GAD2: variants seen among roughly 807,000 people sequenced by gnomAD.
GAD2 encodes the protein 65 kDa glutamic acid decarboxylase.
Under a neutral mutation model 80.1 loss-of-function variants are expected in GAD2, and 22 were observed. The ratio of observed to expected loss-of-function variants is 0.27; its 90% CI spans 0.20 to 0.39. GAD2 has a LOEUF of 0.39. Among genes scored for constraint, GAD2 ranks in the 10% least tolerant of loss-of-function variants. GAD2 has a pLI of 1.00. For synonymous variants in GAD2, 274 were observed against 256.9 expected (o/e 1.07, Z -0.64); for missense variants, 624 against 738.4 (o/e 0.85, Z 1.80).
chr10:26,262,272 T>G lies in GAD2; in HGVS notation c.921-6847T>G, dbSNP rs959404454. ...CCCACTTATTTCTTGGTTATTAGTT[T>G]TTTTTTTTTTCAATTTTTCTATATA... is the stretch of plus-strand genomic sequence containing the variant. On this transcript the variant is annotated intron_variant, in intron 8 of 15. Transcript: ENST00000376261. Among the ~76,000 whole-genome samples, 24 of 151,460 alleles carry G rather than the reference T, an allele frequency of 1.6e-4. No individual in the cohort carries two copies. In the South Asian group the frequency reaches 3.1e-3, roughly 20 times the overall value.
At chr10:26,282,711 A>C (rs935506296) in intron 12 of GAD2, among the ~76,000 whole-genome samples, 3 of 152,214 alleles carry the variant, frequency 2.0e-5, no homozygotes, top group Non-Finnish European at 4.4e-5. Context: ...TTCTCAAAGT[A>C]GACTCCTCAA....
intron 4 of GAD2, among the ~76,000 whole-genome samples, chr10:26,222,758 T>A (rs1233100578): frequency 1.3e-5 from 2 of 152,234 alleles, no homozygotes; most frequent in Non-Finnish European, 2.9e-5. Flanking sequence ...AAGAGAGCAC[T>A]CCAGTGCAGG....
chr10:26,235,986 C>T (rs138759351), intron 7 of GAD2, among the ~76,000 whole-genome samples: 37 of 152,318 alleles, frequency 2.4e-4, no homozygotes, highest in African/African-American at 7.7e-4. Context: ...TAATTCGCTC[C>T]GCTCTTCACA....
At chr10:26,244,443 A>G (rs1435516495) in intron 7 of GAD2, among the ~76,000 whole-genome samples, 1 of 152,228 alleles carries the variant, frequency 6.6e-6, no homozygotes, top group Non-Finnish European at 1.5e-5. Flanking sequence ...CATATGTCAC[A>G]GTAGCATTAT....
intron 14 of GAD2, 74 bp downstream of exon 14, chr10:26,292,646 A>G (rs1834229540): frequency 1.7e-6 from 2 of 1,155,172 alleles, no homozygotes; most frequent in East Asian, 4.7e-5. Context: ...GATGTAAATG[A>G]TGTGCTGTCC....
chr10:26,222,452 G>C (rs78446854), intron 4 of GAD2, among the ~76,000 whole-genome samples: 3 of 151,998 alleles, frequency 2.0e-5, no homozygotes, highest in African/African-American at 7.3e-5. Context: ...GGGAGGAAAT[G>C]GCTGTGATTT....
In GAD2 at chr10:26,217,545, A is replaced by G; in HGVS notation, c.77-65A>G. On this transcript the variant is annotated intron_variant, in intron 1 of 15. Coordinates refer to ENST00000376261, the MANE Select transcript of GAD2 (RefSeq NM_001134366.2). The surrounding 1 kb of genome is among the most constrained non-coding windows in gnomAD (Gnocchi z 4.9). ...CTGATTGATTTTCACATAGAACGAA[A>G]TTTCACACGTCCGTCTGTTGTTCTC... is the stretch of plus-strand genomic sequence containing the variant. 2.0e-6 allele frequency: 3 copies of G among 1,518,978 alleles called. No homozygotes were observed. The highest frequency in any genetic ancestry group is 2.7e-6 in the Non-Finnish European group (3 of 1,112,436). 94.1% of individuals were successfully genotyped at this position (1,518,978 alleles called of 1,614,324 possible).
chr10:26,300,745 G>A (rs1375818443), intron 15 of GAD2, 43 bp from the exon 16 acceptor site: 1 of 1,588,092 alleles, frequency 6.3e-7, no homozygotes, highest in Non-Finnish European at 8.6e-7. Context: ...TCAGGGGAGA[G>A]TCCCAGGAGA....
Position 26,269,133 on chromosome 10 carries a change from C to T in GAD2, c.935C>T (p.Pro312Leu). 1 of 1,593,326 alleles carries T rather than the reference C, an allele frequency of 6.3e-7. No homozygotes were observed. The highest frequency in any genetic ancestry group is 8.6e-7 in the Non-Finnish European group (1 of 1,168,936). Residue 312 changes from proline (P) to leucine (L), a missense_variant, in exon 9 of 16, where the codon CCA becomes CTA. Transcript: ENST00000376261. ...TTTCCTTCCAGAGGGAAAATGATTC[C>T]ATCTGATCTTGAAAGAAGGATTCTT... ...IKCDERGKMI[P>L]SDLERRILEA... is the part of the protein sequence containing the mutation.
At chr10:26,251,209 T>C (rs1486542447) in intron 8 of GAD2, among the ~76,000 whole-genome samples, 2 of 152,114 alleles carry the variant, frequency 1.3e-5, no homozygotes, top group African/African-American at 2.4e-5. Context: ...CATCTTTCTT[T>C]TTCTAATTAG....
intron 7 of GAD2, among the ~76,000 whole-genome samples, chr10:26,241,676 C>G (rs1290123109): frequency 6.6e-6 from 1 of 152,148 alleles, no homozygotes; most frequent in Non-Finnish European, 1.5e-5. Flanking sequence ...TATGCACATG[C>G]ATGAGTGTGC....
chr10:26,292,620 C>T, intron 14 of GAD2, 48 bp downstream of exon 14: 5 of 1,337,464 alleles, frequency 3.7e-6, no homozygotes, highest in Non-Finnish European at 5.4e-6. Context: ...TCAATTCCAA[C>T]CCTCATCACT....
chr10:26,254,047 T>A (rs1420307883), intron 8 of GAD2, among the ~76,000 whole-genome samples: 2 of 152,164 alleles, frequency 1.3e-5, no homozygotes, highest in African/African-American at 4.8e-5. Flanking sequence ...AATTAATTTA[T>A]TTATTTTTGA....
intron 3 of GAD2, 76 bp downstream of exon 3, chr10:26,218,067 G>T: frequency 6.8e-7 from 1 of 1,461,032 alleles, no homozygotes; most frequent in East Asian, 2.4e-5. Flanking sequence ...GTGCGGGTCC[G>T]GCGCTGAGAG....
intron 7 of GAD2, among the ~76,000 whole-genome samples, chr10:26,236,076 T>C (rs1191404392): frequency 1.3e-5 from 2 of 152,154 alleles, no homozygotes; most frequent in African/African-American, 4.8e-5. Context: ...TTCGACCCAC[T>C]TCTGTGGGGA....
intron 4 of GAD2, 82 bp downstream of exon 4, chr10:26,219,358 A>G: frequency 3.3e-6 from 3 of 901,234 alleles, no homozygotes; most frequent in Non-Finnish European, 3.3e-6. Flanking sequence ...GTTTTGTTTG[A>G]TGGAGTTACT....
Position 26,227,369 on chromosome 10 carries a change from G to A in GAD2, c.725-2293G>A, listed in dbSNP as rs181850411. On this transcript the variant is annotated intron_variant, in intron 6 of 15. Coordinates refer to ENST00000376261, the MANE Select transcript of GAD2 (RefSeq NM_001134366.2). ...CACAAAACAGTCTTCTCTGCCTGGA[G>A]GCCCAGAAGCCTCTTTCTCTCACTC... 1.6e-4 allele frequency among the ~76,000 whole-genome samples: 25 copies of A among 152,318 alleles called. No homozygotes were observed. In the East Asian group the frequency reaches 4.8e-3, roughly 29 times the overall value.
In GAD2 at chr10:26,229,762, C is replaced by T; in HGVS notation, c.825C>T (p.Ala275=). ...KGMAALPRLI[A]FTSEHSHFSL... is the part of the protein sequence containing the mutation. ...TGGCTGCTCTTCCCAGGCTCATTGCCTTCACGTCTGAACATGTATGTGTTT... is the reference window on the plus strand; with the variant it reads ...TGGCTGCTCTTCCCAGGCTCATTGCTTTCACGTCTGAACATGTATGTGTTT... The change falls in exon 7 of 16, where the codon GCC becomes GCT. Residue 275 remains alanine (A), a synonymous_variant. Transcript: ENST00000376261. 8.7e-6 allele frequency: 14 copies of T among 1,612,484 alleles called. No individual in the cohort carries two copies. The highest frequency in any genetic ancestry group is 1.2e-5 in the Non-Finnish European group (14 of 1,178,554).
chr10:26,272,911 G>A (rs8190726), intron 10 of GAD2, among the ~76,000 whole-genome samples: 3 of 152,082 alleles, frequency 2.0e-5, no homozygotes, highest in Admixed American at 2.0e-4. Context: ...AACAAAAGGT[G>A]GGGGGAAGTG....
Sources: allele counts gnomAD v4.1 joint callset (sites outside exome capture counted in the v4.1 genomes callset), GRCh38; gene constraint gnomAD v4.1.1; non-coding constraint Gnocchi (gnomAD v3.1); transcripts MANE v1.5; gene names NCBI Gene and HGNC (gene_info 2026-07-23, HGNC 2026-07-21).